ZSCAN29: variants seen among roughly 807,000 people sequenced by gnomAD.
ZSCAN29 encodes zinc finger and SCAN domain-containing protein 29.
Under a neutral mutation model 71.9 loss-of-function variants are expected in ZSCAN29, and 55 were observed. The observed-to-expected ratio is 0.76, with a 90% CI of 0.62 to 0.96. The LOEUF is 0.96. Among genes scored for constraint, ZSCAN29 ranks in the 40% least tolerant of loss-of-function variants. The pLI is 0.00. For missense variants in ZSCAN29, 1,042 were observed against 1,042.2 expected (o/e 1.00, Z 0.00); for synonymous variants, 351 against 371.6 (o/e 0.94, Z 0.64).
chr15:43,368,787 G>A (rs2044064887), intron 3 of ZSCAN29, 136 bp downstream of exon 3: 9 of 759,374 alleles, frequency 1.2e-5, no homozygotes, highest in Admixed American at 2.6e-5. Flanking sequence ...GAATACCAGA[G>A]GCTAAACTAC....
chr15:43,368,525 CAAAAAAAAAAAAAAAA>C (rs759913932), intron 3 of ZSCAN29, among the ~76,000 whole-genome samples: 4 of 10,222 alleles, frequency 3.9e-4, no homozygotes, highest in Non-Finnish European at 4.8e-4. Flanking sequence ...GACTCCGTCT[CAAAAAAAAAAAAAAAA>C]AAAAAAAAAA....
intron 3 of ZSCAN29, 36 bp downstream of exon 3, chr15:43,368,887 T>C (rs773444520): frequency 2.0e-6 from 3 of 1,530,182 alleles, no homozygotes; most frequent in African/African-American, 2.8e-5. Flanking sequence ...CAACTTGGAA[T>C]GGCAGTCTAT....
intron 2 of ZSCAN29, 104 bp downstream of exon 2, chr15:43,369,492 C>T (rs1307594000): frequency 1.5e-6 from 2 of 1,303,866 alleles, no homozygotes; most frequent in Non-Finnish European, 2.1e-6. Flanking sequence ...GAAGTATAAG[C>T]CTCACCAAGG....
At chr15:43,367,083 T>C (rs1253840707) in intron 3 of ZSCAN29, among the ~76,000 whole-genome samples, 1 of 152,246 alleles carries the variant, frequency 6.6e-6, no homozygotes, top group Non-Finnish European at 1.5e-5. Flanking sequence ...CTCCTATTTG[T>C]AGGCAGGTCC....
intron 5 of ZSCAN29, chr15:43,363,640 A>G (rs773740549): frequency 2.8e-6 from 1 of 352,260 alleles, no homozygotes; most frequent in Non-Finnish European, 5.2e-6. Flanking sequence ...TTCCCTGCTT[A>G]GTAAACTGGT....
intron 5 of ZSCAN29, among the ~76,000 whole-genome samples, chr15:43,362,559 A>C (rs1220637847): frequency 6.6e-6 from 1 of 152,204 alleles, no homozygotes; most frequent in East Asian, 1.9e-4. Flanking sequence ...TTATTCAGCT[A>C]TTTCAGGTAA....
At position 43,361,491 on chromosome 15, in the gene ZSCAN29, CTT is replaced by C; in HGVS notation, c.2139_2140del (p.Ser714PhefsTer3). 6.2e-6 allele frequency: 10 copies of C among 1,614,174 alleles called. No individual in the cohort carries two copies. The highest frequency in any genetic ancestry group is 8.5e-6 in the Non-Finnish European group (10 of 1,180,030). ...GATGAAATTTGAACTGTCACGGAAACTTTTTCCACAGTCAAGACATTTATAAG... is the reference window on the plus strand; with the variant it reads ...GATGAAATTTGAACTGTCACGGAAACTTTCCACAGTCAAGACATTTATAAG... On this transcript the variant is annotated frameshift_variant, in exon 6 of 6. Transcript: ENST00000684362. LOFTEE classifies it high-confidence loss of function.
Position 43,360,489 on chromosome 15 carries a change from G to C in ZSCAN29, c.*584C>G, listed in dbSNP as rs2043967793. 1 of 152,222 alleles carries C rather than the reference G, an allele frequency of 6.6e-6. No homozygotes were observed. Among genetic ancestry groups the C allele is most frequent in the African/African-American group, 2.4e-5 (1 of 41,358 alleles). 9.4% of individuals were successfully genotyped at this position (152,222 alleles called of 1,614,324 possible). A position where few individuals can be genotyped will look rare whatever the true frequency, so the allele number is the denominator to read the frequency against. ...CATCTCTACTAAAAATATAAAATTA[G>C]CTGGGCATGGTGGCGCATGCTTGTA... is the stretch of plus-strand genomic sequence containing the variant. On this transcript the variant is annotated 3_prime_UTR_variant, in exon 6 of 6. Transcript: ENST00000684362.
chr15:43,367,780 G>A (rs1343799756), intron 3 of ZSCAN29, among the ~76,000 whole-genome samples: 1 of 152,334 alleles, frequency 6.6e-6, no homozygotes, highest in Admixed American at 6.5e-5. Flanking sequence ...CTGCAAGTCT[G>A]TGTGTGAGAT....
Position 43,361,539 on chromosome 15 carries a change from C to CTCCGG in ZSCAN29, c.2088_2092dup (p.Arg698ThrfsTer151). On this transcript the variant is annotated frameshift_variant, in exon 6 of 6. Transcript: ENST00000684362. LOFTEE classifies it high-confidence loss of function. Reference sequence around the variant, plus strand: ...ATAAGGTTTCTCTCCAGTGTGGATTCTCCGGTGTCTAATGAGTCGTGCACT... The same window carrying CTCCGG: ...ATAAGGTTTCTCTCCAGTGTGGATTCTCCGGTCCGGTGTCTAATGAGTCGTGCACT... The CTCCGG allele has an allele frequency of 6.2e-7, 1 of 1,613,974 alleles. No homozygotes were observed. The highest frequency in any genetic ancestry group is 1.6e-4 in the Middle Eastern group (1 of 6,062).
rs1423213124 is a variant in ZSCAN29, at chr15:43,359,004, TC to T, written c.*2068del. On this transcript the variant is annotated 3_prime_UTR_variant, in exon 6 of 6. Coordinates refer to ENST00000684362, the MANE Select transcript of ZSCAN29 (RefSeq NM_001372080.1). ...TTACAGTCTATCCTTTGCCCTTTGTTCCATCTACACAAAACACCTTGCTCCC... is the reference window on the plus strand; with the variant it reads ...TTACAGTCTATCCTTTGCCCTTTGTTCATCTACACAAAACACCTTGCTCCC... 6.6e-6 allele frequency: 1 copy of T among 152,072 alleles called. No homozygotes were observed. Among genetic ancestry groups the T allele is most frequent in the African/African-American group, 2.4e-5 (1 of 41,366 alleles). The allele number at this position is 152,072 out of a possible 1,614,324, so 9.4% of individuals were successfully genotyped here.
At position 43,361,189 on chromosome 15, in the gene ZSCAN29, C is replaced by G. The variant is rs148692928; in HGVS notation, c.2443G>C (p.Glu815Gln). 1.6e-5 allele frequency: 26 copies of G among 1,614,086 alleles called. No homozygotes were observed. The African/African-American group carries it at 3.2e-4, about 20-fold the overall frequency. Residue 815 changes from glutamate to glutamine, a missense_variant, in exon 6 of 6, where the codon GAG becomes CAG. Physicochemically the swap from Glu to Gln is conservative, Grantham distance 29 (BLOSUM62 2). Coordinates refer to ENST00000684362, the MANE Select transcript of ZSCAN29 (RefSeq NM_001372080.1). ...CAGTCATGACACCCATAGGGTTTCT[C>G]TCCTGTGTGGGTTCTATGATGTGCA... ...LRAHHRTHTG[E>Q]KPYGCHDCGK... is the part of the protein sequence containing the mutation.
Position 43,361,266 on chromosome 15 carries a change from G to A in ZSCAN29, c.2366C>T (p.Pro789Leu). The A allele has an allele frequency of 6.2e-7, 1 of 1,614,096 alleles. No individual in the cohort carries two copies. Among genetic ancestry groups the A allele is most frequent in the Non-Finnish European group, 8.5e-7 (1 of 1,180,030 alleles). The change falls in exon 6 of 6, where the codon CCC becomes CTC. Residue 789 changes from proline (P) to leucine (L), a missense_variant. Physicochemically the swap from Pro to Leu is moderately conservative, Grantham distance 98. Coordinates refer to ENST00000684362, the MANE Select transcript of ZSCAN29 (RefSeq NM_001372080.1). ...CTTTCCACAGTCAGGACACACATGG[G>A]GTCTCTCTCCTGTGTGTATCCTCCG... ...AHRRIHTGER[P>L]HVCPDCGKSF...
intron 2 of ZSCAN29, 117 bp downstream of exon 2, chr15:43,369,479 C>T (rs913910500): frequency 1.7e-6 from 2 of 1,197,392 alleles, no homozygotes; most frequent in Non-Finnish European, 2.4e-6. Flanking sequence ...CTATACCAGA[C>T]CAGAAGTATA....
In ZSCAN29 at chr15:43,366,396, G is replaced by C. The variant is rs141544828; in HGVS notation, c.936C>G (p.Val312=). The C allele has an allele frequency of 2.2e-4, 357 of 1,614,138 alleles. No individual in the cohort carries two copies. The highest frequency in any genetic ancestry group is 3.3e-4 in the Middle Eastern group (2 of 6,062). ...FKGLQKSYRK[V]KSGHPPETCP... is the part of the protein sequence containing the mutation. ...AGGTCTCAGGTGGGTGGCCGCTCTT[G>C]ACTTTCCGATAGCTCTTCTGGAGAC... Residue 312 remains valine, a synonymous_variant, in exon 4 of 6, where the codon GTC becomes GTG. Transcript: ENST00000684362.
At chr15:43,369,182 AGAG>A (rs1261502573) in intron 2 of ZSCAN29, 55 bp from the exon 3 acceptor site, 2 of 1,491,354 alleles carry the variant, frequency 1.3e-6, no homozygotes, top group Non-Finnish European at 9.0e-7. Flanking sequence ...GGGCATTCCC[AGAG>A]GAGAGTATTT....
Position 43,369,092 on chromosome 15 carries a change from C to G in ZSCAN29, c.354G>C (p.Leu118Phe), listed in dbSNP as rs754233342. The change falls in exon 3 of 6, where the codon TTG becomes TTC. Residue 118 changes from leucine to phenylalanine, a missense_variant. Transcript: ENST00000684362. ...ATGATTTCGGGGGTGTCATCTTCTC[C>G]AAGCGCACTTCCTGCCCCTTCACAG... ...TVSVKGQEVR[L>F]EKMTPPKSSQ... The G allele has an allele frequency of 2.5e-6, 4 of 1,596,376 alleles. No individual in the cohort carries two copies. In the South Asian group the frequency reaches 4.5e-5, roughly 18 times the overall value.
At position 43,366,608 on chromosome 15, in the gene ZSCAN29, T is replaced by C. The variant is rs1333828912; in HGVS notation, c.724A>G (p.Lys242Glu). 1.2e-6 allele frequency: 2 copies of C among 1,614,212 alleles called. No individual in the cohort carries two copies. Among genetic ancestry groups the C allele is most frequent in the East Asian group, 2.2e-5 (1 of 44,888 alleles). Residue 242 changes from lysine to glutamate, a missense_variant, in exon 4 of 6, where the codon AAG becomes GAG. Lys to Glu is a moderately conservative substitution (Grantham distance 56). Transcript: ENST00000684362. ...TAGCCCCAGTGCACACCTGCCACCT[T>C]CTCATCTTCAAAGCTCCAGTGATCC... ...EQDHWSFEDE[K>E]VAGVHWGYEE...
In ZSCAN29 at chr15:43,361,967, TTATC is replaced by T. The variant is rs554873450; in HGVS notation, c.1691-30_1691-27del. 4.3e-4 allele frequency: 681 copies of T among 1,578,328 alleles called. 11 individuals are homozygous for T. Among genetic ancestry groups the T allele is most frequent in the South Asian group, 4.2e-3 (357 of 85,354 alleles). ...CTGATGTAAAACAGAATTTTAGAAG[TTATC>T]TATTTTCTTAATCATATGTGCCACA... On this transcript the variant is annotated intron_variant, in intron 5 of 5. Coordinates refer to ENST00000684362, the MANE Select transcript of ZSCAN29 (RefSeq NM_001372080.1).
Sources: allele counts gnomAD v4.1 joint callset (sites outside exome capture counted in the v4.1 genomes callset), GRCh38; gene constraint gnomAD v4.1.1; transcripts MANE v1.5; gene names NCBI Gene and HGNC (gene_info 2026-07-23, HGNC 2026-07-21).